The following KIF6 variants were observed in gnomAD, a reference collection of about 807,000 sequenced individuals.
KIF6 encodes the protein kinesin-like protein KIF6.
A neutral mutation model predicts 112.7 loss-of-function variants in KIF6; 106 were observed. The ratio of observed to expected loss-of-function variants is 0.94; its 90% confidence interval spans 0.80 to 1.11. KIF6 has a LOEUF of 1.11. Ranked by LOEUF, KIF6 falls within the 50% of genes least tolerant of loss-of-function variation. The pLI, the probability that KIF6 is intolerant of heterozygous loss-of-function variation, is 0.00. For synonymous variants in KIF6, 339 were observed against 339.9 expected (o/e 1.00, Z 0.03); for missense variants, 929 against 964.0 (o/e 0.96, Z 0.48).
rs569580655 is a variant in KIF6, at chr6:39,594,907, A to C, written c.846+1147T>G. On this transcript the variant is annotated intron_variant, in intron 7 of 22. Transcript: ENST00000287152. The stretch of plus-strand genomic sequence containing the variant: ...CTTTAACATTCATCTCACAGCCCTT[A>C]TACTCAAAAAGCTAAATGGAACTTG... Among the ~76,000 whole-genome samples, 282 of 152,146 alleles carry C rather than the reference A, an allele frequency of 1.9e-3. 1 individual carries two copies. The highest frequency in any genetic ancestry group is 2.9e-3 in the Non-Finnish European group (194 of 68,018).
chr6:39,627,229 A>G (rs565402441), intron 5 of KIF6, among the ~76,000 whole-genome samples: 3 of 151,928 alleles, frequency 2.0e-5, no homozygotes, highest in African/African-American at 7.2e-5. Context: ...CCCAAGTCCT[A>G]CCCCTTCCCT....
intron 10 of KIF6, among the ~76,000 whole-genome samples, chr6:39,551,831 C>T (rs1779400427): frequency 6.6e-6 from 1 of 152,166 alleles, no homozygotes; most frequent in Non-Finnish European, 1.5e-5. Context: ...TTAAAACTTT[C>T]TCATTTGTAA....
At chr6:39,398,087 T>C (rs1383242820) in intron 15 of KIF6, among the ~76,000 whole-genome samples, 1 of 152,224 alleles carries the variant, frequency 6.6e-6, no homozygotes, top group African/African-American at 2.4e-5. Context: ...GAATGAAATG[T>C]TATTATGATT....
intron 13 of KIF6, among the ~76,000 whole-genome samples, chr6:39,489,953 C>T (rs1364914675): frequency 3.3e-5 from 5 of 152,146 alleles, no homozygotes; most frequent in African/African-American, 4.8e-5. Flanking sequence ...TATCCTCTGG[C>T]TAAATTTCAC....
intron 15 of KIF6, among the ~76,000 whole-genome samples, chr6:39,405,205 T>C (rs1768997567): frequency 6.6e-6 from 1 of 152,160 alleles, no homozygotes; most frequent in South Asian, 2.1e-4. Flanking sequence ...ATGCCTTTTA[T>C]ATATTTTTCT....
intron 19 of KIF6, among the ~76,000 whole-genome samples, chr6:39,353,006 GCTA>G (rs1562121528): frequency 6.6e-6 from 1 of 152,144 alleles, no homozygotes; most frequent in Non-Finnish European, 1.5e-5. Context: ...TATACAAAAA[GCTA>G]CTATGAACAA....
At position 39,656,837 on chromosome 6, in the gene KIF6, T is replaced by G. The variant is rs149272508; in HGVS notation, c.252-17080A>C. ...AAGCTCTTTCTGACCACTTGCCCCATAACTCTCACCTTCCTAAGAGAGAAT... is the reference window on the plus strand; with the variant it reads ...AAGCTCTTTCTGACCACTTGCCCCAGAACTCTCACCTTCCTAAGAGAGAAT... On this transcript the variant is annotated intron_variant, in intron 3 of 22. Coordinates refer to ENST00000287152, the MANE Select transcript of KIF6 (RefSeq NM_145027.6). 1.9e-3 allele frequency among the ~76,000 whole-genome samples: 290 copies of G among 152,342 alleles called. 2 individuals carry two copies. Among genetic ancestry groups the G allele is most frequent in the Non-Finnish European group, 2.8e-3 (191 of 68,042 alleles).
At chr6:39,675,806 A>G (rs1275153370) in intron 3 of KIF6, among the ~76,000 whole-genome samples, 1 of 152,104 alleles carries the variant, frequency 6.6e-6, no homozygotes, top group Non-Finnish European at 1.5e-5. Flanking sequence ...TAGAACTTCT[A>G]AAAATGAAGA....
intron 13 of KIF6, among the ~76,000 whole-genome samples, chr6:39,530,500 A>G (rs955778096): frequency 2.4e-4 from 37 of 152,204 alleles, no homozygotes; most frequent in African/African-American, 8.7e-4. Context: ...CATTATTTCA[A>G]TGAAACCAAA....
chr6:39,714,769 G>C lies in KIF6; in HGVS notation c.177-3C>G, dbSNP rs780895767. On this transcript the variant is annotated splice_region_variant and splice_polypyrimidine_tract_variant and intron_variant, in intron 2 of 22. Coordinates refer to ENST00000287152, the MANE Select transcript of KIF6 (RefSeq NM_145027.6). ...CCTGATCAAAAATTCTTTGAAATCT[G>C]CAATGTGAAAAATAGTAATTATTTA... 3.1e-6 allele frequency: 5 copies of C among 1,596,220 alleles called. No homozygotes were observed. In the South Asian group the frequency reaches 5.5e-5, roughly 18 times the overall value.
chr6:39,344,270 A>C (rs530641069), intron 21 of KIF6, among the ~76,000 whole-genome samples: 46 of 152,270 alleles, frequency 3.0e-4, no homozygotes, highest in Non-Finnish European at 5.9e-4. Flanking sequence ...GCCTTTCACC[A>C]TGATTGTGAG....
intron 13 of KIF6, among the ~76,000 whole-genome samples, chr6:39,466,353 G>T (rs1411978424): frequency 6.6e-6 from 1 of 152,182 alleles, no homozygotes; most frequent in Non-Finnish European, 1.5e-5. Context: ...AGATAAAGGA[G>T]TTGCTATTTC....
intron 13 of KIF6, among the ~76,000 whole-genome samples, chr6:39,467,229 T>C (rs1051223789): frequency 2.0e-5 from 3 of 152,190 alleles, no homozygotes; most frequent in African/African-American, 7.2e-5. Context: ...AGTTTAAGTT[T>C]AGCAAAGATC....
intron 2 of KIF6, chr6:39,715,031 C>G: frequency 3.3e-6 from 1 of 301,464 alleles, no homozygotes; most frequent in Non-Finnish European, 6.1e-6. Context: ...AACCAAATAA[C>G]AAATTGTGTG....
chr6:39,342,257 A>G lies in KIF6; in HGVS notation c.2428+1452T>C, dbSNP rs1220288818. On this transcript the variant is annotated intron_variant, in intron 22 of 22. Coordinates refer to ENST00000287152, the MANE Select transcript of KIF6 (RefSeq NM_145027.6). This position sits in a 1 kb window ranked among gnomAD's most constrained non-coding sequence, Gnocchi z 4.7. The stretch of plus-strand genomic sequence containing the variant: ...TATCTTCTCCAGCAAGGCCTCCCCA[A>G]CCTACCCAGCTAAAAGCAGTCTTCC... 1.3e-5 allele frequency among the ~76,000 whole-genome samples: 2 copies of G among 152,180 alleles called. No individual in the cohort carries two copies. Among genetic ancestry groups the G allele is most frequent in the South Asian group, 2.1e-4 (1 of 4,818 alleles).
chr6:39,441,971 G>A (rs544373861), intron 13 of KIF6, among the ~76,000 whole-genome samples: 3 of 152,276 alleles, frequency 2.0e-5, no homozygotes, highest in Admixed American at 6.5e-5. Context: ...GGAGGAGAGC[G>A]AAGGGAAAAT....
chr6:39,630,887 T>C (rs1361696054), intron 5 of KIF6, among the ~76,000 whole-genome samples: 2 of 152,056 alleles, frequency 1.3e-5, no homozygotes, highest in East Asian at 1.9e-4. Flanking sequence ...TGAGAAGCTG[T>C]TGGATTTTGT....
At chr6:39,427,387 T>G (rs1022105746) in intron 14 of KIF6, among the ~76,000 whole-genome samples, 2 of 152,196 alleles carry the variant, frequency 1.3e-5, no homozygotes, top group Admixed American at 1.3e-4. Flanking sequence ...CAGTTATTTG[T>G]TTTCATACAA....
At chr6:39,496,001 T>G (rs1329650172) in intron 13 of KIF6, among the ~76,000 whole-genome samples, 3 of 152,228 alleles carry the variant, frequency 2.0e-5, no homozygotes, top group Non-Finnish European at 2.9e-5. Flanking sequence ...GCTGCTGTGG[T>G]CTGGAGAAAC....
Sources: allele counts gnomAD v4.1 joint callset (sites outside exome capture counted in the v4.1 genomes callset), GRCh38; gene constraint gnomAD v4.1.1; non-coding constraint Gnocchi (gnomAD v3.1); transcripts MANE v1.5; gene names NCBI Gene and HGNC (gene_info 2026-07-23, HGNC 2026-07-21).